Variants in ETV1 observed in about 807,000 individuals in gnomAD.
ETV1 encodes the protein ETS variant transcription factor 1, also known as ETS translocation variant 1.
ETV1 carries 27 observed loss-of-function variants against 62.3 expected under a neutral mutation model. That is an observed-to-expected ratio of 0.43 (90% CI 0.32 to 0.60). The LOEUF (loss-of-function observed/expected upper bound fraction) is 0.60, where lower values mean the gene tolerates loss of function less well. ETV1 is among the 20% of genes least tolerant of loss of function. The pLI is 0.06. For synonymous variants in ETV1, 222 were observed against 199.6 expected, an observed-to-expected ratio of 1.11 and a Z score of -0.94; for missense variants, 605 against 605.8, an observed-to-expected ratio of 1.00 and a Z score of 0.01.
Position 13,894,206 on chromosome 7 carries a change from C to A in ETV1, c.*1660G>T. On this transcript the variant is annotated 3_prime_UTR_variant, in exon 14 of 14. Coordinates refer to ENST00000430479, the MANE Select transcript of ETV1 (RefSeq NM_004956.5). ...TAGACTCTTTAAAAAAGTTGTTCTT[C>A]TGGATATTATTGATAGATGGAACAA... The A allele has an allele frequency of 4.6e-6, 1 of 217,892 alleles. No individual in the cohort carries two copies. Among genetic ancestry groups the A allele is most frequent in the Non-Finnish European group, 8.8e-6 (1 of 113,084 alleles). 13.5% of individuals were successfully genotyped at this position (217,892 alleles called of 1,614,324 possible). A position where few individuals can be genotyped will look rare whatever the true frequency, so the allele number is the denominator to read the frequency against.
At chr7:13,904,667 A>G (rs1782771661) in intron 12 of ETV1, among the ~76,000 whole-genome samples, 1 of 152,110 alleles carries the variant, frequency 6.6e-6, no homozygotes, top group Admixed American at 6.6e-5. Flanking sequence ...GTGAAGGGAA[A>G]TAACTGTTTA....
chr7:13,975,078 C>T (rs554755350), intron 6 of ETV1: 4 of 152,328 alleles, frequency 2.6e-5, no homozygotes, highest in African/African-American at 9.6e-5. Context: ...AGCCAGTATC[C>T]AGACATGTCT....
chr7:13,949,518 ATTCT>A (rs1788553381), intron 6 of ETV1, among the ~76,000 whole-genome samples: 1 of 152,106 alleles, frequency 6.6e-6, no homozygotes, highest in Admixed American at 6.6e-5. Flanking sequence ...GCTCTCAAAG[ATTCT>A]TTCTAGTACA....
At chr7:13,959,605 C>T (rs964354761) in intron 6 of ETV1, among the ~76,000 whole-genome samples, 3 of 151,858 alleles carry the variant, frequency 2.0e-5, no homozygotes, top group African/African-American at 4.8e-5. Flanking sequence ...TTGTTCTGGC[C>T]GGGCACAGTG....
At chr7:13,987,731 T>C (rs1290276721) in intron 4 of ETV1, among the ~76,000 whole-genome samples, 1 of 152,210 alleles carries the variant, frequency 6.6e-6, no homozygotes, top group Non-Finnish European at 1.5e-5. Flanking sequence ...GTAAGCAGTG[T>C]ACATAGCTGC....
At chr7:13,950,435 T>A (rs1412622002) in intron 6 of ETV1, among the ~76,000 whole-genome samples, 1 of 152,078 alleles carries the variant, frequency 6.6e-6, no homozygotes, top group Non-Finnish European at 1.5e-5. Flanking sequence ...CTTGCAGGGA[T>A]CCCTGAGTAG....
At chr7:13,944,397 A>G (rs1481475410) in intron 6 of ETV1, among the ~76,000 whole-genome samples, 1 of 152,196 alleles carries the variant, frequency 6.6e-6, no homozygotes, top group Non-Finnish European at 1.5e-5. Context: ...TTCACATAGC[A>G]GAAATCACAA....
chr7:13,928,837 A>C (rs973589836), intron 9 of ETV1, among the ~76,000 whole-genome samples: 1 of 152,120 alleles, frequency 6.6e-6, no homozygotes, highest in African/African-American at 2.4e-5. Context: ...GGGTGCCTGT[A>C]ATCCCAGTTA....
At chr7:13,904,701 G>C (rs575895324) in intron 12 of ETV1, among the ~76,000 whole-genome samples, 1 of 152,086 alleles carries the variant, frequency 6.6e-6, no homozygotes, top group African/African-American at 2.4e-5. Context: ...CCTGTAGAAA[G>C]TGCTCAGTTC....
intron 6 of ETV1, among the ~76,000 whole-genome samples, chr7:13,941,573 T>C (rs894970585): frequency 6.6e-6 from 1 of 152,084 alleles, no homozygotes; most frequent in African/African-American, 2.4e-5. Flanking sequence ...CACGAAGAAT[T>C]TAAAGTAGTG....
At chr7:13,952,218 A>T (rs184696023) in intron 6 of ETV1, among the ~76,000 whole-genome samples, 115 of 152,124 alleles carry the variant, frequency 7.6e-4, no homozygotes, top group Non-Finnish European at 1.3e-3. Context: ...TAACTGTGCA[A>T]CCTCCCTGGC....
chr7:13,973,754 G>T (rs1781135070), intron 6 of ETV1, among the ~76,000 whole-genome samples: 1 of 151,870 alleles, frequency 6.6e-6, no homozygotes, highest in Middle Eastern at 3.4e-3. Context: ...TTGTTAAACT[G>T]TAAATATTCT....
intron 9 of ETV1, among the ~76,000 whole-genome samples, chr7:13,924,183 C>G (rs1451723619): frequency 2.0e-5 from 3 of 152,158 alleles, no homozygotes; most frequent in Non-Finnish European, 2.9e-5. Context: ...TGACAATGGT[C>G]TGAAAAGCAC....
chr7:13,939,477 A>G (rs1336568014), intron 6 of ETV1, among the ~76,000 whole-genome samples: 1 of 152,192 alleles, frequency 6.6e-6, no homozygotes, highest in African/African-American at 2.4e-5. Flanking sequence ...TTCTCTCATT[A>G]CTTAAGTGAA....
intron 6 of ETV1, among the ~76,000 whole-genome samples, chr7:13,974,384 T>G (rs1435161938): frequency 6.6e-6 from 1 of 152,196 alleles, no homozygotes; most frequent in Non-Finnish European, 1.5e-5. Context: ...AGTCAAGGCT[T>G]CGGTTGTAGA....
intron 9 of ETV1, among the ~76,000 whole-genome samples, chr7:13,924,249 C>T (rs1029417153): frequency 1.3e-5 from 2 of 151,880 alleles, no homozygotes; most frequent in East Asian, 1.9e-4. Context: ...AAAGAAAGAG[C>T]GAGGTCCAAT....
At chr7:13,979,306 CT>C (rs1781754155) in intron 5 of ETV1, among the ~76,000 whole-genome samples, 1 of 152,002 alleles carries the variant, frequency 6.6e-6, no homozygotes, top group African/African-American at 2.4e-5. Flanking sequence ...CAACCCTTGT[CT>C]TTCAAGTCAT....
At chr7:13,961,287 G>A (rs1401307406) in intron 6 of ETV1, among the ~76,000 whole-genome samples, 1 of 152,182 alleles carries the variant, frequency 6.6e-6, no homozygotes, top group Admixed American at 6.5e-5. Context: ...GATTGGAAAA[G>A]TAGCTATTTT....
chr7:13,923,327 T>C (rs924508522), intron 9 of ETV1, among the ~76,000 whole-genome samples: 2 of 152,304 alleles, frequency 1.3e-5, no homozygotes, highest in African/African-American at 4.8e-5. Flanking sequence ...ACTTCACTAC[T>C]TTTCCTACTA....
Sources: gnomAD v4.1 joint callset for allele counts (sites outside exome capture counted in the v4.1 genomes callset) on GRCh38, gnomAD v4.1.1 for gene constraint, MANE v1.5 for transcripts, NCBI Gene and HGNC (gene_info 2026-07-23, HGNC 2026-07-21) for gene names.